Variants in RASGRP3 observed in about 807,000 individuals in gnomAD.
The protein encoded by RASGRP3 is RAS guanyl releasing protein 3, also known as ras guanyl-releasing protein 3.
A neutral mutation model predicts 82.7 loss-of-function variants in RASGRP3; 54 were observed. That is an observed-to-expected ratio of 0.65 (90% CI 0.52 to 0.82). The LOEUF (loss-of-function observed/expected upper bound fraction) is 0.82, where lower values mean the gene tolerates loss of function less well. Ranked by LOEUF, RASGRP3 falls within the 40% of genes least tolerant of loss-of-function variation. The pLI is 0.00. For synonymous variants in RASGRP3, 309 were observed against 300.5 expected, an observed-to-expected ratio of 1.03 and a Z score of -0.29; for missense variants, 861 against 828.9, an observed-to-expected ratio of 1.04 and a Z score of -0.48.
In RASGRP3 at chr2:33,534,234, TA is replaced by T. The variant is rs1673378671; in HGVS notation, c.1084-85del. On this transcript the variant is annotated intron_variant, in intron 10 of 17. Coordinates refer to ENST00000403687, the MANE Select transcript of RASGRP3 (RefSeq NM_001139488.2). The stretch of plus-strand genomic sequence containing the variant: ...TACTCAAATTATTAGACAGTGAACT[TA>T]AAACATTCAACTTGAAAAAAAATTC... The T allele has an allele frequency of 3.4e-6, 3 of 872,460 alleles. No individual in the cohort carries two copies. In the Admixed American group the frequency reaches 6.3e-5, roughly 18 times the overall value. 54.0% of individuals were successfully genotyped at this position (872,460 alleles called of 1,614,324 possible). A position where few individuals can be genotyped will look rare whatever the true frequency, so the allele number is the denominator to read the frequency against.
chr2:33,534,506 T>A, intron 11 of RASGRP3, 106 bp downstream of exon 11: 2 of 787,836 alleles, frequency 2.5e-6, no homozygotes, highest in Non-Finnish European at 2.1e-6. Context: ...GGAAGAATTT[T>A]AAAAATTGAC....
intron 1 of RASGRP3, among the ~76,000 whole-genome samples, chr2:33,510,634 G>C (rs748459037): frequency 6.6e-6 from 1 of 152,162 alleles, no homozygotes; most frequent in Non-Finnish European, 1.5e-5. Flanking sequence ...AATATGGGAG[G>C]GGAAGAAGTA....
chr2:33,539,367 T>A (rs1558504554), intron 12 of RASGRP3, 157 bp downstream of exon 12: 1 of 604,712 alleles, frequency 1.7e-6, no homozygotes, highest in Non-Finnish European at 3.0e-6. Flanking sequence ...AGGCATTGGG[T>A]CCTGGGGAGA....
chr2:33,549,752 G>A lies in RASGRP3; in HGVS notation c.1542+1G>A. ...CTTCTGCGAACACTGTGCGGGATTT[G>A]TAAGTCTGTTTTCCGTTGTTTTCTT... On this transcript the variant is annotated splice_donor_variant, in intron 14 of 17. Coordinates refer to ENST00000403687, the MANE Select transcript of RASGRP3 (RefSeq NM_001139488.2). LOFTEE classifies it high-confidence loss of function. The A allele has an allele frequency of 6.2e-7, 1 of 1,611,646 alleles. No homozygotes were observed. Among genetic ancestry groups the A allele is most frequent in the African/African-American group, 1.3e-5 (1 of 74,966 alleles).
chr2:33,508,577 C>A (rs186040783), intron 1 of RASGRP3, among the ~76,000 whole-genome samples: 1 of 152,254 alleles, frequency 6.6e-6, no homozygotes, highest in Admixed American at 6.5e-5. Flanking sequence ...AAGGAAGTTT[C>A]TGTCTGGCAA....
chr2:33,534,944 T>TG (rs1468272315), intron 11 of RASGRP3, among the ~76,000 whole-genome samples: 2 of 152,166 alleles, frequency 1.3e-5, no homozygotes, highest in Admixed American at 1.3e-4. Context: ...CTCATTACTC[T>TG]GTTTTATAAT....
In RASGRP3 at chr2:33,564,081, A is replaced by G. The variant is rs890255469; in HGVS notation, c.*1344A>G. The G allele has an allele frequency of 3.3e-5, 5 of 152,284 alleles. No individual in the cohort carries two copies. The highest frequency in any genetic ancestry group is 9.7e-5 in the African/African-American group (4 of 41,448). The allele number at this position is 152,284 out of a possible 1,614,324, so 9.4% of individuals were successfully genotyped here. A position where few individuals can be genotyped will look rare whatever the true frequency, so the allele number is the denominator to read the frequency against. On this transcript the variant is annotated 3_prime_UTR_variant, in exon 18 of 18. Coordinates refer to ENST00000403687, the MANE Select transcript of RASGRP3 (RefSeq NM_001139488.2). ...TTTGTTTGTATTTGGGGCAGTCTTC[A>G]GTAAAGCCTTTCTCCTTTCTTTTCT...
At chr2:33,442,097 T>G (rs921533461) in intron 1 of RASGRP3, among the ~76,000 whole-genome samples, 3 of 152,170 alleles carry the variant, frequency 2.0e-5, no homozygotes, top group Admixed American at 2.0e-4. Flanking sequence ...TTAAAAAATA[T>G]ATATGTACAT....
chr2:33,494,445 A>G (rs929236629), intron 1 of RASGRP3, among the ~76,000 whole-genome samples: 1 of 152,238 alleles, frequency 6.6e-6, no homozygotes, highest in Non-Finnish European at 1.5e-5. Context: ...CAAGTGACTC[A>G]TTCTAAGGGC....
At chr2:33,539,287 G>T in intron 12 of RASGRP3, 77 bp downstream of exon 12, 1 of 1,189,854 alleles carries the variant, frequency 8.4e-7, no homozygotes, top group Non-Finnish European at 1.2e-6. Context: ...GATTGTCCAG[G>T]AATCTGATGG....
upstream of RASGRP3, among the ~76,000 whole-genome samples, chr2:33,472,725 G>A (rs551684561): frequency 1.3e-5 from 2 of 152,050 alleles, no homozygotes; most frequent in South Asian, 4.2e-4. Flanking sequence ...GGGAGGCTGA[G>A]GCGGGCAGAT....
chr2:33,534,097 G>T, intron 10 of RASGRP3: 1 of 531,612 alleles, frequency 1.9e-6, no homozygotes, highest in Non-Finnish European at 3.4e-6. Context: ...AAATATTGCT[G>T]AGGAATTGAG....
intron 11 of RASGRP3, among the ~76,000 whole-genome samples, chr2:33,537,840 G>A (rs1673809750): frequency 6.6e-6 from 1 of 152,148 alleles, no homozygotes; most frequent in Admixed American, 6.5e-5. Flanking sequence ...GTTATGCATT[G>A]TGCTACCATC....
chr2:33,520,524 A>G, intron 5 of RASGRP3, 29 bp from the exon 6 acceptor site: 1 of 1,611,574 alleles, frequency 6.2e-7, no homozygotes, highest in Non-Finnish European at 8.5e-7. Flanking sequence ...GCAATCTTCC[A>G]GCTGCCAAAA....
intron 1 of RASGRP3, among the ~76,000 whole-genome samples, chr2:33,441,311 A>G (rs945677362): frequency 3.3e-4 from 50 of 150,302 alleles, no homozygotes; most frequent in Non-Finnish European, 5.9e-5. Flanking sequence ...TCTGTGTTTT[A>G]GGGTTTAAAA....
intron 12 of RASGRP3, among the ~76,000 whole-genome samples, chr2:33,540,933 T>C (rs1674237862): frequency 6.8e-6 from 1 of 146,544 alleles, no homozygotes; most frequent in African/African-American, 2.4e-5. Context: ...GATGGGCTCA[T>C]TTTAGTCACA....
intron 1 of RASGRP3, among the ~76,000 whole-genome samples, chr2:33,492,810 C>A (rs75332720): frequency 2.5e-4 from 38 of 152,200 alleles, no homozygotes; most frequent in African/African-American, 9.2e-4. Flanking sequence ...TGCCCTGGCC[C>A]GTAATGTAGC....
intron 1 of RASGRP3, among the ~76,000 whole-genome samples, chr2:33,443,517 AGTAAAATTC>A (rs2150875013): frequency 6.6e-6 from 1 of 152,130 alleles, no homozygotes; most frequent in East Asian, 1.9e-4. Flanking sequence ...CCTGATATGG[AGTAAAATTC>A]GGCAGCAGCT....
chr2:33,441,559 A>G (rs945730009), intron 1 of RASGRP3, among the ~76,000 whole-genome samples: 1 of 152,252 alleles, frequency 6.6e-6, no homozygotes, highest in Non-Finnish European at 1.5e-5. Context: ...AGAAGACTCC[A>G]TGGAATTACA....
Sources: allele counts gnomAD v4.1 joint callset (sites outside exome capture counted in the v4.1 genomes callset), GRCh38; gene constraint gnomAD v4.1.1; transcripts MANE v1.5; gene names NCBI Gene and HGNC (gene_info 2026-07-23, HGNC 2026-07-21).